The following ATAD2 variants were observed in gnomAD, a reference collection of about 807,000 sequenced individuals.
ATAD2 encodes ATPase family AAA domain-containing protein 2.
ATAD2 carries 62 observed loss-of-function variants against 168.9 expected under a neutral mutation model. That is an observed-to-expected ratio of 0.37 (90% confidence interval 0.30 to 0.45). The LOEUF (loss-of-function observed/expected upper bound fraction) is 0.45, where lower values mean the gene tolerates loss of function less well. Ranked by LOEUF, ATAD2 falls within the 20% of genes least tolerant of loss-of-function variation. ATAD2 has a pLI of 1.00. For missense variants in ATAD2, 1,419 were observed against 1,667.8 expected, an observed-to-expected ratio of 0.85 and a Z score of 2.60; for synonymous variants, 613 against 571.6, an observed-to-expected ratio of 1.07 and a Z score of -1.03.
At chr8:123,335,178 T>C (rs961907350) in intron 22 of ATAD2, among the ~76,000 whole-genome samples, 1 of 152,184 alleles carries the variant, frequency 6.6e-6, no homozygotes, top group African/African-American at 2.4e-5. Flanking sequence ...TAATTTTAGA[T>C]TGCCACAATA....
intron 2 of ATAD2, among the ~76,000 whole-genome samples, chr8:123,376,710 T>C (rs1445877799): frequency 6.6e-6 from 1 of 152,034 alleles, no homozygotes; most frequent in Non-Finnish European, 1.5e-5. Context: ...ATCCCAGCAC[T>C]TTGGGAGGCT....
chr8:123,340,012 C>T (rs1828021228), intron 19 of ATAD2, among the ~76,000 whole-genome samples: 1 of 152,032 alleles, frequency 6.6e-6, no homozygotes, highest in Non-Finnish European at 1.5e-5. Context: ...ATCTCAGCCT[C>T]CTGAGTAGCT....
intron 21 of ATAD2, 109 bp from the exon 22 acceptor site, chr8:123,336,641 T>G (rs1827921215): frequency 1.2e-6 from 1 of 815,738 alleles, no homozygotes; most frequent in Non-Finnish European, 1.8e-6. Context: ...ACGTAAGAGA[T>G]TATGATAATA....
intron 19 of ATAD2, 93 bp from the exon 20 acceptor site, chr8:123,339,539 G>C (rs1004067406): frequency 6.8e-6 from 8 of 1,184,982 alleles, no homozygotes; most frequent in African/African-American, 3.1e-5. Context: ...CTTTACAGCA[G>C]CATGAAAGTG....
intron 2 of ATAD2, among the ~76,000 whole-genome samples, chr8:123,376,307 G>A (rs879855454): frequency 6.6e-6 from 1 of 151,770 alleles, no homozygotes; most frequent in Non-Finnish European, 1.5e-5. Context: ...TTGGGAGGCT[G>A]GGGGAGGAGA....
chr8:123,326,167 A>G (rs564198964), intron 25 of ATAD2, 141 bp from the exon 26 acceptor site: 5 of 885,970 alleles, frequency 5.6e-6, no homozygotes, highest in African/African-American at 1.7e-5. Flanking sequence ...TCATTCTGTT[A>G]TAAGATTAAG....
rs1240715742 is a variant in ATAD2, at chr8:123,413,824, G to T, written c.-2282+2424C>A. Among the ~76,000 whole-genome samples, 3 of 152,142 alleles carry T rather than the reference G, an allele frequency of 2.0e-5. No individual in the cohort carries two copies. The East Asian group carries it at 5.8e-4, about 29-fold the overall frequency. ...ATAAGGCATGTGAAAGAATGCATCA[G>T]ACAGAGTGTACATACATCTTGTGCA... On this transcript the variant is annotated intron_variant, in intron 1 of 28. Transcript: ENST00000521903.
intron 1 of ATAD2, among the ~76,000 whole-genome samples, chr8:123,415,739 C>A (rs1388299987): frequency 3.3e-5 from 5 of 152,242 alleles, no homozygotes; most frequent in African/African-American, 1.2e-4. Context: ...GGATTACAGG[C>A]GCGCGCCTCC....
rs1467834367 is a variant in ATAD2 at position 123,328,515 on chromosome 8, C to T, written c.3543G>A (p.Arg1181=). ...TATCATCCTTTGCCTGTGAAATCTT[C>T]CTTCGCTTTTTTATGGTGCCTAAGT... ...NWYLGTIKKR[R]KISQAKDDSQ... is the part of the protein sequence containing the mutation. Residue 1181 remains arginine (R), a synonymous_variant, in exon 25 of 28, where the codon AGG becomes AGA. Transcript: ENST00000287394. 8 of 1,593,448 alleles carry T rather than the reference C, an allele frequency of 5.0e-6. No individual in the cohort carries two copies. The highest frequency in any genetic ancestry group is 1.4e-5 in the African/African-American group (1 of 74,030).
chr8:123,363,836 T>C (rs1045569750), intron 8 of ATAD2, among the ~76,000 whole-genome samples: 1 of 152,172 alleles, frequency 6.6e-6, no homozygotes, highest in African/African-American at 2.4e-5. Context: ...CAATTTACAG[T>C]TAGGGCCAGT....
chr8:123,332,885 G>A (rs191721558), intron 24 of ATAD2, among the ~76,000 whole-genome samples: 17 of 152,122 alleles, frequency 1.1e-4, no homozygotes, highest in African/African-American at 2.9e-4. Context: ...TTGACTGTCA[G>A]CATTCTGGTA....
chr8:123,334,173 T>C, intron 23 of ATAD2, 27 bp downstream of exon 23: 1 of 1,566,396 alleles, frequency 6.4e-7, no homozygotes, highest in Non-Finnish European at 8.6e-7. Flanking sequence ...ATTAGGTTGG[T>C]ACAAATCAAC....
intron 1 of ATAD2, among the ~76,000 whole-genome samples, chr8:123,393,642 C>T (rs751785082): frequency 6.6e-6 from 1 of 152,094 alleles, no homozygotes; most frequent in Non-Finnish European, 1.5e-5. Context: ...GATGGTCAGG[C>T]GCGGTGGTTC....
At position 123,396,402 on chromosome 8, in the gene ATAD2, C is replaced by G; in HGVS notation, c.-45G>C. ...CGGCGTGCGCGACCGGAGAGAGATCCAGCTCCAGGCGCTCGCAGCTCTGGC... is the reference window on the plus strand; with the variant it reads ...CGGCGTGCGCGACCGGAGAGAGATCGAGCTCCAGGCGCTCGCAGCTCTGGC... On this transcript the variant is annotated 5_prime_UTR_variant, in exon 1 of 28. Transcript: ENST00000287394. 6.7e-7 allele frequency: 1 copy of G among 1,490,422 alleles called. No individual in the cohort carries two copies. The highest frequency in any genetic ancestry group is 2.2e-5 in the Admixed American group (1 of 44,958). 92.3% of individuals were successfully genotyped at this position (1,490,422 alleles called of 1,614,324 possible).
chr8:123,410,785 C>T (rs867243024), intron 1 of ATAD2, among the ~76,000 whole-genome samples: 135 of 152,192 alleles, frequency 8.9e-4, no homozygotes, highest in African/African-American at 2.8e-3. Context: ...TGTTTGCTGC[C>T]GTGGCAGACC....
chr8:123,362,600 T>C (rs1318746578), intron 8 of ATAD2, among the ~76,000 whole-genome samples: 1 of 150,558 alleles, frequency 6.6e-6, no homozygotes, highest in East Asian at 2.0e-4. Context: ...TTTTTTTCGA[T>C]AGAGATGGGG....
rs1827464265 is a variant in ATAD2 at position 123,321,394 on chromosome 8, T to A, written c.4132-219A>T. ...AACTTTGAAATGAGTCTGGGGTGCA[T>A]TCATCTTATGTTAAATTCAAATAGT... On this transcript the variant is annotated intron_variant, in intron 27 of 27. Transcript: ENST00000287394. Among the ~76,000 whole-genome samples the A allele has an allele frequency of 3.3e-5, 5 of 151,472 alleles. No homozygotes were observed. In the South Asian group the frequency reaches 8.3e-4, roughly 25 times the overall value.
chr8:123,334,138 A>G (rs1827852381), intron 23 of ATAD2, 62 bp downstream of exon 23: 1 of 1,543,320 alleles, frequency 6.5e-7, no homozygotes, highest in Non-Finnish European at 8.7e-7. Context: ...TCTGAAATTC[A>G]TATATTCTGA....
intron 8 of ATAD2, among the ~76,000 whole-genome samples, chr8:123,364,345 G>A (rs2129686078): frequency 6.6e-6 from 1 of 152,160 alleles, no homozygotes; most frequent in South Asian, 2.1e-4. Flanking sequence ...ACTGTAGAAA[G>A]GTCATTACTT....
Sources: gnomAD v4.1 joint callset for allele counts (sites outside exome capture counted in the v4.1 genomes callset) on GRCh38, gnomAD v4.1.1 for gene constraint, MANE v1.5 for transcripts, NCBI Gene and HGNC (gene_info 2026-07-23, HGNC 2026-07-21) for gene names.